Variants in TMEM232 observed in about 807,000 individuals in gnomAD.
TMEM232 encodes the protein transmembrane protein 232.
Under a neutral mutation model 78.8 loss-of-function variants are expected in TMEM232, and 80 were observed. The observed-to-expected ratio is 1.01, with a 90% CI of 0.85 to 1.22. The LOEUF (loss-of-function observed/expected upper bound fraction) is 1.22, where lower values mean the gene tolerates loss of function less well. Ranked by LOEUF, TMEM232 falls within the 50% of genes most tolerant of loss-of-function variation. The pLI, the probability that TMEM232 is intolerant of heterozygous loss-of-function variation, is 0.00. For missense variants in TMEM232, 881 were observed against 742.2 expected, an observed-to-expected ratio of 1.19 and a Z score of -2.17; for synonymous variants, 297 against 254.3, an observed-to-expected ratio of 1.17 and a Z score of -1.60.
intron 11 of TMEM232, among the ~76,000 whole-genome samples, chr5:110,557,972 T>A (rs533001810): frequency 6.6e-6 from 1 of 152,168 alleles, no homozygotes; most frequent in African/African-American, 2.4e-5. Flanking sequence ...GGCTTTTGCT[T>A]TTATATTTTG....
At chr5:110,465,378 G>A (rs1761963749) in intron 12 of TMEM232, among the ~76,000 whole-genome samples, 1 of 152,088 alleles carries the variant, frequency 6.6e-6, no homozygotes, top group Non-Finnish European at 1.5e-5. Context: ...CTTATGAAAA[G>A]GCAGCCTCTA....
intron 1 of TMEM232, among the ~76,000 whole-genome samples, chr5:110,669,504 A>T (rs1293648644): frequency 1.3e-5 from 2 of 152,194 alleles, no homozygotes; most frequent in Admixed American, 6.5e-5. Flanking sequence ...CACCAACCAA[A>T]AAAAAGTCAA....
chr5:110,700,570 A>G (rs1795306836), intron 1 of TMEM232, among the ~76,000 whole-genome samples: 1 of 152,022 alleles, frequency 6.6e-6, no homozygotes, highest in Non-Finnish European at 1.5e-5. Context: ...TGTGTCTGTT[A>G]TTATTGCAAG....
At chr5:110,535,898 T>C (rs981246019) in intron 11 of TMEM232, among the ~76,000 whole-genome samples, 4 of 152,092 alleles carry the variant, frequency 2.6e-5, no homozygotes, top group African/African-American at 9.7e-5. Flanking sequence ...ACGCCAACTT[T>C]CCACACCCAA....
chr5:110,418,651 G>T (rs1756368835), downstream of TMEM232, among the ~76,000 whole-genome samples: 1 of 152,144 alleles, frequency 6.6e-6, no homozygotes, highest in Admixed American at 6.5e-5. Flanking sequence ...AAGAAGAAAA[G>T]ATAATAGCAT....
At chr5:110,432,456 C>T (rs948523811) in intron 12 of TMEM232, among the ~76,000 whole-genome samples, 1 of 151,560 alleles carries the variant, frequency 6.6e-6, no homozygotes, top group Non-Finnish European at 1.5e-5. Context: ...CACATCTTAA[C>T]TGGCCCTCCA....
intron 1 of TMEM232, among the ~76,000 whole-genome samples, chr5:110,676,890 C>T (rs1287923261): frequency 1.3e-5 from 2 of 151,980 alleles, no homozygotes; most frequent in African/African-American, 4.8e-5. Flanking sequence ...TCCCTAGTAG[C>T]TGGGATTACA....
intron 11 of TMEM232, among the ~76,000 whole-genome samples, chr5:110,540,539 C>G (rs886140869): frequency 6.6e-6 from 1 of 152,182 alleles, no homozygotes; most frequent in African/African-American, 2.4e-5. Flanking sequence ...GGTCATTGCA[C>G]ATACATTCAT....
intron 12 of TMEM232, among the ~76,000 whole-genome samples, chr5:110,458,581 G>A (rs1292785014): frequency 6.6e-6 from 1 of 152,080 alleles, no homozygotes; most frequent in African/African-American, 2.4e-5. Context: ...AATCTAGGGT[G>A]CATTTATTCC....
intron 12 of TMEM232, among the ~76,000 whole-genome samples, chr5:110,461,987 T>A (rs978042547): frequency 6.6e-6 from 1 of 152,220 alleles, no homozygotes; most frequent in Non-Finnish European, 1.5e-5. Context: ...GTTGGTTTCA[T>A]GTCTTTTAAC....
chr5:110,464,128 G>A (rs938790391), intron 12 of TMEM232, among the ~76,000 whole-genome samples: 3 of 152,044 alleles, frequency 2.0e-5, no homozygotes, highest in Admixed American at 6.6e-5. Flanking sequence ...CTCACACACC[G>A]AAGTTACACA....
intron 10 of TMEM232, among the ~76,000 whole-genome samples, chr5:110,591,977 C>T (rs895078301): frequency 6.6e-6 from 1 of 152,094 alleles, no homozygotes; most frequent in African/African-American, 2.4e-5. Flanking sequence ...TCCTGTGGAA[C>T]TGGGCTTTAT....
chr5:110,613,660 T>C lies in TMEM232; in HGVS notation c.902+4769A>G, dbSNP rs190980851. 4.3e-3 allele frequency among the ~76,000 whole-genome samples: 662 copies of C among 152,246 alleles called. 3 individuals are homozygous for C. The highest frequency in any genetic ancestry group is 6.3e-3 in the Non-Finnish European group (430 of 68,016). On this transcript the variant is annotated intron_variant, in intron 8 of 13. Transcript: ENST00000455884. The stretch of plus-strand genomic sequence containing the variant: ...TCATCAGGGCCTGGTGCCTCAATAT[T>C]TCTTTTTCATTCTGAATACATGCAG...
At chr5:110,595,673 T>C (rs562300121) in intron 10 of TMEM232, among the ~76,000 whole-genome samples, 1 of 152,040 alleles carries the variant, frequency 6.6e-6, no homozygotes, top group South Asian at 2.1e-4. Context: ...AGAAAAGATA[T>C]CAGAGATTGA....
chr5:110,412,923 G>A (rs1171190439), intron 2 of TMEM232, among the ~76,000 whole-genome samples: 1 of 152,054 alleles, frequency 6.6e-6, no homozygotes, highest in Non-Finnish European at 1.5e-5. Flanking sequence ...TACACATTAG[G>A]CTAAAGTTGC....
At position 110,508,854 on chromosome 5, in the gene TMEM232, A is replaced by T. The variant is rs567673640; in HGVS notation, c.1703+19734T>A. On this transcript the variant is annotated intron_variant, in intron 12 of 13. Transcript: ENST00000455884. Reference sequence around the variant, plus strand: ...CTGCTAATTATATATATATATAATTATATATATATATACACACACACATAT... The same window carrying T: ...CTGCTAATTATATATATATATAATTTTATATATATATACACACACACATAT... 3.4e-3 allele frequency among the ~76,000 whole-genome samples: 488 copies of T among 144,440 alleles called. 3 individuals are homozygous for T. The highest frequency in any genetic ancestry group is 0.012 in the African/African-American group (468 of 39,632). The allele number at this position is 144,440 out of a possible 152,430, so 94.8% of individuals were successfully genotyped here.
intron 3 of TMEM232, among the ~76,000 whole-genome samples, chr5:110,391,285 G>A (rs7735313): frequency 0.016 from 2,289 of 138,802 alleles, 48 homozygotes; most frequent in African/African-American, 0.059. Flanking sequence ...TGAGGCTCCC[G>A]TTTGAATGTG....
chr5:110,597,185 A>G (rs955445078), intron 10 of TMEM232, among the ~76,000 whole-genome samples: 2 of 152,206 alleles, frequency 1.3e-5, no homozygotes, highest in African/African-American at 4.8e-5. Flanking sequence ...TACAATATCA[A>G]TGTACAAAAA....
chr5:110,480,268 C>A (rs1763717877), intron 12 of TMEM232, among the ~76,000 whole-genome samples: 1 of 151,682 alleles, frequency 6.6e-6, no homozygotes, highest in Non-Finnish European at 1.5e-5. Context: ...AAAAAATAAC[C>A]ATTTTATTTT....
Sources: gnomAD v4.1 joint callset for allele counts (sites outside exome capture counted in the v4.1 genomes callset) on GRCh38, gnomAD v4.1.1 for gene constraint, MANE v1.5 for transcripts, NCBI Gene and HGNC (gene_info 2026-07-23, HGNC 2026-07-21) for gene names.